Variants in ZBTB16 observed in about 807,000 individuals in gnomAD.
The protein encoded by ZBTB16 is zinc finger and BTB domain-containing protein 16.
ZBTB16 carries 8 observed loss-of-function variants against 56.8 expected under a neutral mutation model. The ratio of observed to expected loss-of-function variants is 0.14; its 90% confidence interval spans 0.08 to 0.25. ZBTB16 has a LOEUF of 0.25. Ranked by LOEUF, ZBTB16 falls within the 10% of genes least tolerant of loss-of-function variation. The pLI is 1.00. For synonymous variants in ZBTB16, 363 were observed against 368.5 expected (o/e 0.98, Z 0.17); for missense variants, 625 against 903.0 (o/e 0.69, Z 3.95).
chr11:114,252,020 G>A lies in ZBTB16; in HGVS notation c.*1465G>A, dbSNP rs999795520. Among the ~76,000 whole-genome samples, 5 of 152,086 alleles carry A rather than the reference G, an allele frequency of 3.3e-5. No individual in the cohort carries two copies. Among genetic ancestry groups the A allele is most frequent in the South Asian group, 2.1e-4 (1 of 4,820 alleles). On this transcript the variant is annotated 3_prime_UTR_variant, in exon 7 of 7. Coordinates refer to ENST00000335953, the MANE Select transcript of ZBTB16 (RefSeq NM_006006.6). ...ACTTCAGCTGGTCAAGACCCTCCCC[G>A]TGCCCCTGGAGACCAGCCTCCCAGC...
intron 4 of ZBTB16, among the ~76,000 whole-genome samples, chr11:114,194,197 G>A (rs905954976): frequency 6.6e-6 from 1 of 152,226 alleles, no homozygotes; most frequent in African/African-American, 2.4e-5. Flanking sequence ...TCATATCCAA[G>A]GCTGCCATGT....
At chr11:114,137,751 C>T (rs1941835556) in intron 2 of ZBTB16, among the ~76,000 whole-genome samples, 1 of 152,116 alleles carries the variant, frequency 6.6e-6, no homozygotes, top group South Asian at 2.1e-4. Flanking sequence ...GATGGATTCT[C>T]TGGAGAAAAC....
intron 4 of ZBTB16, among the ~76,000 whole-genome samples, chr11:114,230,746 C>T (rs893758949): frequency 6.6e-6 from 1 of 151,772 alleles, no homozygotes; most frequent in Non-Finnish European, 1.5e-5. Context: ...CTTTTCATTG[C>T]CCAGTGTTTG....
chr11:114,083,791 G>A (rs73000932), intron 2 of ZBTB16, among the ~76,000 whole-genome samples: 26,652 of 151,452 alleles, frequency 0.18, 3,054 homozygotes, highest in Non-Finnish European at 0.25. Flanking sequence ...TCTTGATGCC[G>A]CCCCCCCGCC....
At chr11:114,079,533 T>G (rs1939687748) in intron 2 of ZBTB16, among the ~76,000 whole-genome samples, 1 of 152,246 alleles carries the variant, frequency 6.6e-6, no homozygotes. Context: ...AATAAATGAT[T>G]GCTTAATCCT....
chr11:114,088,915 G>A (rs1213547312), intron 2 of ZBTB16, among the ~76,000 whole-genome samples: 1 of 152,194 alleles, frequency 6.6e-6, no homozygotes, highest in African/African-American at 2.4e-5. Context: ...GGTGGCCTGG[G>A]GGCCCCCCCA....
intron 4 of ZBTB16, among the ~76,000 whole-genome samples, chr11:114,232,841 C>T (rs1944469362): frequency 6.6e-6 from 1 of 152,332 alleles, no homozygotes; most frequent in South Asian, 2.1e-4. Context: ...TTGTCCTCGC[C>T]CCCAGCGGGT....
At chr11:114,126,201 G>A (rs1041413657) in intron 2 of ZBTB16, among the ~76,000 whole-genome samples, 11 of 152,172 alleles carry the variant, frequency 7.2e-5, no homozygotes, top group Middle Eastern at 3.2e-3. Context: ...TTGCCCAGGC[G>A]TGGATAATGC....
At chr11:114,122,328 AATGG>A (rs1353291434) in intron 2 of ZBTB16, among the ~76,000 whole-genome samples, 5 of 152,164 alleles carry the variant, frequency 3.3e-5, no homozygotes, top group African/African-American at 1.2e-4. Context: ...GTTTCAATTC[AATGG>A]ATGTTTGTCA....
chr11:114,140,951 C>T (rs1941928324), intron 2 of ZBTB16, among the ~76,000 whole-genome samples: 1 of 152,170 alleles, frequency 6.6e-6, no homozygotes, highest in Admixed American at 6.5e-5. Context: ...CCGCGCCCAG[C>T]CAGCTCCATT....
At chr11:114,221,946 C>T (rs1023503611) in intron 4 of ZBTB16, among the ~76,000 whole-genome samples, 7 of 152,106 alleles carry the variant, frequency 4.6e-5, no homozygotes, top group African/African-American at 1.2e-4. Flanking sequence ...AGGATGGGTA[C>T]GTGGCAAGAG....
chr11:114,088,928 C>G (rs1397392406), intron 2 of ZBTB16, among the ~76,000 whole-genome samples: 1 of 152,208 alleles, frequency 6.6e-6, no homozygotes, highest in African/African-American at 2.4e-5. Flanking sequence ...CCCCCCCACA[C>G]AATGCCTGAT....
chr11:114,129,761 C>T (rs901141647), intron 2 of ZBTB16, among the ~76,000 whole-genome samples: 8 of 152,238 alleles, frequency 5.3e-5, no homozygotes, highest in African/African-American at 1.7e-4. Flanking sequence ...GCGCCTCCTA[C>T]ATACAGTAAT....
chr11:114,235,064 G>A (rs1195138543), intron 4 of ZBTB16, among the ~76,000 whole-genome samples: 2 of 152,052 alleles, frequency 1.3e-5, no homozygotes, highest in African/African-American at 4.8e-5. Context: ...GGAGGGAGGG[G>A]GAAGTTTCTA....
chr11:114,220,830 C>T (rs1187369858), intron 4 of ZBTB16, among the ~76,000 whole-genome samples: 2 of 152,194 alleles, frequency 1.3e-5, no homozygotes, highest in Non-Finnish European at 2.9e-5. Flanking sequence ...GGATGCACAC[C>T]ACAGCAGTTA....
chr11:114,217,592 A>G (rs935426259), intron 4 of ZBTB16, among the ~76,000 whole-genome samples: 2 of 152,194 alleles, frequency 1.3e-5, no homozygotes, highest in Middle Eastern at 3.2e-3. Context: ...GGTTGAATAT[A>G]AGATGTCTGC....
chr11:114,155,152 G>T (rs970117196), intron 2 of ZBTB16, among the ~76,000 whole-genome samples: 3 of 152,222 alleles, frequency 2.0e-5, no homozygotes, highest in African/African-American at 7.2e-5. Flanking sequence ...GAGATAGAGG[G>T]CCTTGTTTTC....
At chr11:114,181,794 A>G (rs1373764052) in intron 3 of ZBTB16, among the ~76,000 whole-genome samples, 4 of 151,010 alleles carry the variant, frequency 2.6e-5, no homozygotes, top group African/African-American at 4.9e-5. Context: ...ATCTTCTGCT[A>G]TTCTCCCTCT....
At chr11:114,093,601 A>G (rs373322451) in intron 2 of ZBTB16, among the ~76,000 whole-genome samples, 22 of 152,290 alleles carry the variant, frequency 1.4e-4, no homozygotes, top group African/African-American at 4.8e-4. Context: ...AACCAAGACT[A>G]TAGCCTCCGA....
Sources: gnomAD v4.1 joint callset for allele counts (sites outside exome capture counted in the v4.1 genomes callset) on GRCh38, gnomAD v4.1.1 for gene constraint, MANE v1.5 for transcripts, NCBI Gene and HGNC (gene_info 2026-07-23, HGNC 2026-07-21) for gene names.